The following CALCRL variants were observed in gnomAD, a reference collection of about 807,000 sequenced individuals.
CALCRL encodes calcitonin receptor like receptor, also known as calcitonin gene-related peptide type 1 receptor.
In CALCRL, 27 loss-of-function variants were observed where a neutral mutation model predicts 60.4. The ratio of observed to expected loss-of-function variants is 0.45; its 90% CI spans 0.33 to 0.62. The LOEUF (loss-of-function observed/expected upper bound fraction) is 0.62. CALCRL is among the 20% of genes least tolerant of loss of function. The pLI, the probability that CALCRL is intolerant of heterozygous loss-of-function variation, is 0.03. For synonymous variants in CALCRL, 190 were observed against 182.6 expected, an observed-to-expected ratio of 1.04 and a Z score of -0.33; for missense variants, 424 against 540.7, an observed-to-expected ratio of 0.78 and a Z score of 2.14.
Position 187,380,598 on chromosome 2 carries a change from A to G in CALCRL, c.296-19T>C, listed in dbSNP as rs778564870. 1.3e-6 allele frequency: 2 copies of G among 1,587,842 alleles called. No individual in the cohort carries two copies. The highest frequency in any genetic ancestry group is 2.2e-5 in the East Asian group (1 of 44,692). ...ACTTTTTCTTTAAAATTAAAAAAAA[A>G]GGGAAAACAGGAATTTAATTAACCT... On this transcript the variant is annotated intron_variant, in intron 6 of 14. Transcript: ENST00000392370.
At position 187,354,598 on chromosome 2, in the gene CALCRL, G is replaced by C. The variant is rs75353748; in HGVS notation, c.910-2266C>G. On this transcript the variant is annotated intron_variant, in intron 12 of 14. Transcript: ENST00000392370. ...GGAGCTTGGAATTGGCCAGGACCAA[G>C]AAGGAGCTCTGGAGCTTAAACAAGG... Among the ~76,000 whole-genome samples the C allele has an allele frequency of 0.01, 1,560 of 152,112 alleles. 60 individuals carry two copies. The East Asian group carries it at 0.12, about 12-fold the overall frequency.
rs1457305653 is a variant in CALCRL, at chr2:187,341,989, C to T, written c.*4195G>A. ...TTTATAGGTATATTATTTATAATAACCAAAAGGTAAAAGCAAAACAAACAT... is the reference window on the plus strand; with the variant it reads ...TTTATAGGTATATTATTTATAATAATCAAAAGGTAAAAGCAAAACAAACAT... On this transcript the variant is annotated 3_prime_UTR_variant, in exon 15 of 15. Transcript: ENST00000392370. Among the ~76,000 whole-genome samples the T allele has an allele frequency of 2.0e-5, 3 of 151,062 alleles. No individual in the cohort carries two copies. Among genetic ancestry groups the T allele is most frequent in the Non-Finnish European group, 3.0e-5 (2 of 67,614 alleles).
At chr2:187,415,093 A>G (rs1689545826) in intron 1 of CALCRL, among the ~76,000 whole-genome samples, 1 of 152,126 alleles carries the variant, frequency 6.6e-6, no homozygotes, top group African/African-American at 2.4e-5. Flanking sequence ...ATAAAGTAGC[A>G]ATATGTTAAG....
intron 1 of CALCRL, among the ~76,000 whole-genome samples, chr2:187,396,393 C>T (rs1559060146): frequency 6.6e-6 from 1 of 151,688 alleles, no homozygotes; most frequent in African/African-American, 2.4e-5. Context: ...AGTTCATGTA[C>T]CCTAAGCTAA....
chr2:187,385,830 AGCCTG>A, intron 3 of CALCRL, among the ~76,000 whole-genome samples, 199 bp from the exon 4 acceptor site: 1 of 152,212 alleles, frequency 6.6e-6, no homozygotes, highest in South Asian at 2.1e-4. Flanking sequence ...GGCTCACTGC[AGCCTG>A]GACTTCCCGA....
chr2:187,383,129 T>A (rs1688048113), intron 5 of CALCRL, 44 bp downstream of exon 5: 1 of 1,589,380 alleles, frequency 6.3e-7, no homozygotes, highest in Non-Finnish European at 8.5e-7. Context: ...AGTTTTCTTT[T>A]AAAAATATGT....
At chr2:187,381,090 C>A (rs1051007040) in intron 5 of CALCRL, among the ~76,000 whole-genome samples, 50 of 151,904 alleles carry the variant, frequency 3.3e-4, no homozygotes, top group African/African-American at 1.2e-3. Flanking sequence ...TTGTCCTTAG[C>A]CATAATGTAG....
intron 14 of CALCRL, among the ~76,000 whole-genome samples, chr2:187,351,236 GATTGCGCC>G (rs1414769809): frequency 4.4e-4 from 1 of 2,298 alleles, no homozygotes; most frequent in East Asian, 4.8e-3. Context: ...AGTGAGCCGA[GATTGCGCC>G]ACTGCAATCC....
chr2:187,410,985 A>G (rs1689332084), intron 1 of CALCRL, among the ~76,000 whole-genome samples: 1 of 152,164 alleles, frequency 6.6e-6, no homozygotes, highest in African/African-American at 2.4e-5. Flanking sequence ...ATAAAAGAAT[A>G]AATAAAAGAC....
chr2:187,420,963 C>T (rs1385760248), intron 1 of CALCRL, among the ~76,000 whole-genome samples: 1 of 152,136 alleles, frequency 6.6e-6, no homozygotes, highest in Non-Finnish European at 1.5e-5. Flanking sequence ...CTTATTATAT[C>T]ATGGCTGATT....
intron 1 of CALCRL, among the ~76,000 whole-genome samples, chr2:187,420,783 T>C (rs1689837824): frequency 6.6e-6 from 1 of 152,158 alleles, no homozygotes; most frequent in African/African-American, 2.4e-5. Context: ...CTTGGTTTAT[T>C]GATACACAAA....
chr2:187,394,990 A>T (rs1260015478), intron 1 of CALCRL, among the ~76,000 whole-genome samples: 1 of 152,092 alleles, frequency 6.6e-6, no homozygotes, highest in East Asian at 1.9e-4. Flanking sequence ...GTGTTAAATT[A>T]CATGCTAGAT....
chr2:187,410,709 C>CA (rs1689319829), intron 1 of CALCRL, among the ~76,000 whole-genome samples: 1 of 151,994 alleles, frequency 6.6e-6, no homozygotes, highest in Non-Finnish European at 1.5e-5. Context: ...CCACAGCCCA[C>CA]AGGGGAAGAA....
intron 1 of CALCRL, among the ~76,000 whole-genome samples, chr2:187,430,420 T>C (rs1690349605): frequency 6.6e-6 from 1 of 152,190 alleles, no homozygotes; most frequent in South Asian, 2.1e-4. Flanking sequence ...CGATGATACA[T>C]TATTGAATTG....
chr2:187,418,198 T>C (rs772046859), intron 1 of CALCRL, among the ~76,000 whole-genome samples: 12 of 152,190 alleles, frequency 7.9e-5, no homozygotes, highest in East Asian at 1.9e-4. Context: ...CCTGGAATTC[T>C]GGTCATTAAA....
intron 12 of CALCRL, 138 bp from the exon 13 acceptor site, chr2:187,352,470 G>A: frequency 1.8e-6 from 1 of 549,488 alleles, no homozygotes; most frequent in Non-Finnish European, 3.3e-6. Flanking sequence ...TATTGCCTAA[G>A]GCATTAATTT....
chr2:187,383,105 G>C, intron 5 of CALCRL, 68 bp downstream of exon 5: 1 of 1,471,988 alleles, frequency 6.8e-7, no homozygotes, highest in Non-Finnish European at 9.3e-7. Context: ...CACTTATAAT[G>C]ATATAATGGG....
chr2:187,352,936 T>C (rs1207927748), intron 12 of CALCRL, among the ~76,000 whole-genome samples: 1 of 151,862 alleles, frequency 6.6e-6, no homozygotes, highest in East Asian at 1.9e-4. Context: ...AGAGCTAAAA[T>C]AATTTGACAT....
intron 12 of CALCRL, among the ~76,000 whole-genome samples, chr2:187,353,064 C>CACATAGAGTGTG (rs1244704162): frequency 6.6e-6 from 1 of 151,928 alleles, no homozygotes; most frequent in Non-Finnish European, 1.5e-5. Context: ...AAACCTTTGA[C>CACATAGAGTGTG]ACTCTAATGT....
Sources: allele counts gnomAD v4.1 joint callset (sites outside exome capture counted in the v4.1 genomes callset), GRCh38; gene constraint gnomAD v4.1.1; transcripts MANE v1.5; gene names NCBI Gene and HGNC (gene_info 2026-07-23, HGNC 2026-07-21).